The following ZNG1A variants were observed in gnomAD, a reference collection of about 807,000 sequenced individuals.
ZNG1A encodes Zn regulated GTPase metalloprotein activator 1A.
At chr9:139,777 G>A in the ZNG1A span, among the ~76,000 whole-genome samples, 1 of 151,626 alleles carries the variant, frequency 6.6e-6, no homozygotes, top group Non-Finnish European at 1.5e-5. Flanking sequence ...GGGAGTGCCA[G>A]ACAGTGGGCG....
the ZNG1A span, chr9:171,655 A>C: frequency 4.6e-6 from 1 of 218,894 alleles, no homozygotes; most frequent in African/African-American, 2.4e-5. Flanking sequence ...GGATGTGCAT[A>C]GCTTATAGGC....
the ZNG1A span, among the ~76,000 whole-genome samples, chr9:126,557 CCGTTT>C: frequency 1.3e-5 from 2 of 152,052 alleles, no homozygotes; most frequent in East Asian, 3.9e-4. Flanking sequence ...GTAATATCTC[CCGTTT>C]CATTTCTTAT....
At chr9:176,841 G>GA in the ZNG1A span, among the ~76,000 whole-genome samples, 4,699 of 142,980 alleles carry the variant, frequency 0.033, 187 homozygotes, top group African/African-American at 0.1. Flanking sequence ...ACCATATTAT[G>GA]AAAAAAAAAA....
chr9:145,910 G>A, the ZNG1A span, among the ~76,000 whole-genome samples: 1 of 150,872 alleles, frequency 6.6e-6, no homozygotes, highest in Non-Finnish European at 1.5e-5. Context: ...AATTTCTACA[G>A]GAAAATGCAA....
chr9:175,818 C>G, the ZNG1A span: 1 of 611,322 alleles, frequency 1.6e-6, no homozygotes, highest in East Asian at 2.8e-5. Context: ...TAAAAAAATT[C>G]AAAATAATTT....
chr9:126,553 T>C, the ZNG1A span, among the ~76,000 whole-genome samples: 1 of 152,122 alleles, frequency 6.6e-6, no homozygotes, highest in African/African-American at 2.4e-5. Context: ...AGTTGTAATA[T>C]CTCCCGTTTC....
chr9:143,020 A>C, the ZNG1A span, among the ~76,000 whole-genome samples: 84 of 145,408 alleles, frequency 5.8e-4, no homozygotes, highest in African/African-American at 2.2e-3. Context: ...TGAATAGACC[A>C]ATAACAGGAT....
chr9:163,944 A>C, the ZNG1A span: 6 of 1,571,908 alleles, frequency 3.8e-6, no homozygotes, highest in Admixed American at 7.7e-5. Context: ...AAAAAAAAAC[A>C]AGAAAGATAA....
chr9:168,938 G>A, the ZNG1A span, among the ~76,000 whole-genome samples: 32,792 of 151,988 alleles, frequency 0.22, 3,978 homozygotes, highest in East Asian at 0.4. Context: ...CTGTGATGGA[G>A]ATGTACAAGA....
chr9:162,021 AT>A, the ZNG1A span, among the ~76,000 whole-genome samples: 1 of 147,746 alleles, frequency 6.8e-6, no homozygotes, highest in African/African-American at 2.5e-5. Flanking sequence ...GGTCTTCAAT[AT>A]TTTTTAAAAA....
the ZNG1A span, chr9:154,917 T>C: frequency 2.2e-5 from 22 of 994,612 alleles, no homozygotes; most frequent in South Asian, 1.6e-4. Context: ...TGTAGATCAA[T>C]ATATCAGTTA....
At chr9:133,898 A>T in the ZNG1A span, among the ~76,000 whole-genome samples, 1 of 150,004 alleles carries the variant, frequency 6.7e-6, no homozygotes, top group Non-Finnish European at 1.5e-5. Context: ...TAACCGCCAC[A>T]ATAGAGGTTC....
At chr9:176,833 C>T in the ZNG1A span, among the ~76,000 whole-genome samples, 1 of 149,340 alleles carries the variant, frequency 6.7e-6, no homozygotes, top group Non-Finnish European at 1.5e-5. Context: ...GCTTTTTAAC[C>T]ATATTATGAA....
At chr9:140,173 A>G in the ZNG1A span, among the ~76,000 whole-genome samples, 402 of 151,472 alleles carry the variant, frequency 2.7e-3, 4 homozygotes, top group African/African-American at 8.6e-3. Flanking sequence ...AGCTCAAGGA[A>G]GCCTGCCTGC....
At chr9:167,138 T>C in the ZNG1A span, 1 of 149,852 alleles carries the variant, frequency 6.7e-6, no homozygotes, top group African/African-American at 2.5e-5. Context: ...GGGAGAAAAA[T>C]CAGACTTTTC....
chr9:171,989 G>A, the ZNG1A span: 3 of 1,593,660 alleles, frequency 1.9e-6, no homozygotes, highest in Non-Finnish European at 2.6e-6. Context: ...ACTAACAAAA[G>A]CTTTAATCCT....
chr9:172,221 A>T, the ZNG1A span: 10 of 1,604,150 alleles, frequency 6.2e-6, no homozygotes, highest in Admixed American at 1.7e-4. Context: ...AAATATTTTG[A>T]AGTGATTATT....
the ZNG1A span, chr9:147,138 A>C: frequency 6.9e-6 from 1 of 144,752 alleles, no homozygotes; most frequent in Non-Finnish European, 1.5e-5. Context: ...AGATTGCACC[A>C]CTGCACTCCA....
the ZNG1A span, among the ~76,000 whole-genome samples, chr9:138,845 A>G: frequency 6.7e-6 from 1 of 150,230 alleles, no homozygotes; most frequent in Admixed American, 6.6e-5. Flanking sequence ...TTGAGGCTGC[A>G]GTAAGCCATG....
Sources: allele counts gnomAD v4.1 joint callset (sites outside exome capture counted in the v4.1 genomes callset), GRCh38; gene constraint gnomAD v4.1.1; transcripts MANE v1.5; gene names NCBI Gene and HGNC (gene_info 2026-07-23, HGNC 2026-07-21).